Variants in GMDS observed in about 807,000 individuals in gnomAD.
GMDS encodes GDP-mannose 4,6-dehydratase.
In GMDS, 20 loss-of-function variants were observed where a neutral mutation model predicts 49.9. The observed-to-expected ratio is 0.40, with a 90% CI of 0.28 to 0.58. The LOEUF is 0.58. Among genes scored for constraint, GMDS ranks in the 20% least tolerant of loss-of-function variants. The pLI, the probability that GMDS is intolerant of heterozygous loss-of-function variation, is 0.42. For missense variants in GMDS, 362 were observed against 481.4 expected (o/e 0.75, Z 2.32); for synonymous variants, 177 against 178.6 (o/e 0.99, Z 0.07).
At chr6:1,933,943 A>G (rs1166868329) in intron 6 of GMDS, among the ~76,000 whole-genome samples, 1 of 152,220 alleles carries the variant, frequency 6.6e-6, no homozygotes, top group African/African-American at 2.4e-5. Context: ...CATATTCGAG[A>G]AGGCTTCGTT....
chr6:2,034,383 G>T (rs899914898), intron 4 of GMDS, among the ~76,000 whole-genome samples: 36 of 152,278 alleles, frequency 2.4e-4, no homozygotes, highest in African/African-American at 7.9e-4. Context: ...ATTTGTGGTT[G>T]CCAGGGGCTG....
chr6:1,943,247 C>T (rs1762904390), intron 6 of GMDS, among the ~76,000 whole-genome samples: 1 of 152,242 alleles, frequency 6.6e-6, no homozygotes, highest in African/African-American at 2.4e-5. Flanking sequence ...TAGTTCCCAA[C>T]TGCCTGGCAC....
chr6:2,045,793 A>G (rs1166956675), intron 4 of GMDS, among the ~76,000 whole-genome samples: 1 of 152,182 alleles, frequency 6.6e-6, no homozygotes, highest in African/African-American at 2.4e-5. Context: ...AATTAAATAT[A>G]TTTTACTATG....
At chr6:1,937,948 C>A (rs1188865420) in intron 6 of GMDS, among the ~76,000 whole-genome samples, 1 of 152,016 alleles carries the variant, frequency 6.6e-6, no homozygotes, top group Non-Finnish European at 1.5e-5. Context: ...GGGAGGATCA[C>A]TTCAGACGAG....
At chr6:1,652,425 TATA>T (rs1561700649) in intron 9 of GMDS, among the ~76,000 whole-genome samples, 1 of 22,402 alleles carries the variant, frequency 4.5e-5, no homozygotes, top group Non-Finnish European at 8.0e-5. Flanking sequence ...ATAATATATA[TATA>T]ATATATTATA....
At chr6:1,931,103 A>T (rs1313976938) in intron 6 of GMDS, 1 of 152,240 alleles carries the variant, frequency 6.6e-6, no homozygotes, top group Admixed American at 6.5e-5. Flanking sequence ...AGGTTATGAG[A>T]AAACACCATT....
At chr6:2,092,658 T>C (rs150336445) in intron 4 of GMDS, among the ~76,000 whole-genome samples, 1,917 of 152,262 alleles carry the variant, frequency 0.013, 43 homozygotes, top group African/African-American at 0.044. Flanking sequence ...CTAGAAAATG[T>C]AGAGACACGT....
chr6:1,934,948 C>T (rs1407433935), intron 6 of GMDS, among the ~76,000 whole-genome samples: 1 of 152,194 alleles, frequency 6.6e-6, no homozygotes, highest in African/African-American at 2.4e-5. Context: ...GTCTCACTGG[C>T]TTTCTAGCCT....
chr6:2,030,796 A>G (rs576381039), intron 4 of GMDS, among the ~76,000 whole-genome samples: 3 of 152,346 alleles, frequency 2.0e-5, no homozygotes, highest in African/African-American at 7.2e-5. Flanking sequence ...AATTGTAGCT[A>G]TACTGTAGCT....
intron 9 of GMDS, among the ~76,000 whole-genome samples, chr6:1,686,095 G>A (rs1368958551): frequency 6.6e-6 from 1 of 152,160 alleles, no homozygotes; most frequent in Non-Finnish European, 1.5e-5. Flanking sequence ...AGTGGTGGCA[G>A]AAGAAGCGAA....
chr6:1,998,297 T>C (rs1020874408), intron 4 of GMDS, among the ~76,000 whole-genome samples: 2 of 152,092 alleles, frequency 1.3e-5, no homozygotes, highest in African/African-American at 4.8e-5. Context: ...GATAAGAATA[T>C]TGACAGATCA....
At chr6:2,184,487 G>T (rs143614925) in intron 1 of GMDS, among the ~76,000 whole-genome samples, 2 of 152,064 alleles carry the variant, frequency 1.3e-5, no homozygotes, top group Non-Finnish European at 2.9e-5. Context: ...GCTACTTTGA[G>T]GTCTTTGCAC....
intron 7 of GMDS, among the ~76,000 whole-genome samples, chr6:1,896,838 T>C (rs893359334): frequency 3.3e-5 from 5 of 152,120 alleles, no homozygotes; most frequent in Non-Finnish European, 7.4e-5. Context: ...TTTTTCCGGT[T>C]AAGATAACAA....
At chr6:2,177,783 CA>C (rs1261803768) in intron 1 of GMDS, among the ~76,000 whole-genome samples, 1 of 152,130 alleles carries the variant, frequency 6.6e-6, no homozygotes, top group East Asian at 1.9e-4. Flanking sequence ...AGAACTGGAA[CA>C]AGACAGTCCC....
intron 8 of GMDS, among the ~76,000 whole-genome samples, chr6:1,728,103 T>C (rs867336107): frequency 6.6e-6 from 1 of 152,160 alleles, no homozygotes; most frequent in Non-Finnish European, 1.5e-5. Context: ...TTTTGGAGCA[T>C]GGAGATTGAA....
chr6:1,879,069 A>C (rs1759238175), intron 7 of GMDS, among the ~76,000 whole-genome samples: 1 of 152,230 alleles, frequency 6.6e-6, no homozygotes, highest in Non-Finnish European at 1.5e-5. Context: ...GGTATTTTTC[A>C]AATAGTTGCT....
rs964591443 is a variant in GMDS at position 1,757,216 on chromosome 6, G to A, written c.772-14630C>T. On this transcript the variant is annotated intron_variant, in intron 7 of 10. Coordinates refer to ENST00000380815, the MANE Select transcript of GMDS (RefSeq NM_001500.4). ...TTAAATGAGGGCAAAAATAACTCAC[G>A]ACGCATACACCTGGGATATGGGAGC... Among the ~76,000 whole-genome samples the A allele has an allele frequency of 5.9e-5, 9 of 152,222 alleles. No homozygotes were observed. In the East Asian group the frequency reaches 1.5e-3, roughly 26 times the overall value.
intron 2 of GMDS, among the ~76,000 whole-genome samples, chr6:2,120,597 A>G (rs1775087481): frequency 6.6e-6 from 1 of 152,206 alleles, no homozygotes; most frequent in African/African-American, 2.4e-5. Flanking sequence ...ATTTTCATAT[A>G]GTCCCAGATT....
At chr6:1,740,824 C>T (rs1767240374) in intron 8 of GMDS, among the ~76,000 whole-genome samples, 1 of 152,098 alleles carries the variant, frequency 6.6e-6, no homozygotes, top group African/African-American at 2.4e-5. Flanking sequence ...TCCAACTCCC[C>T]ATATTATACG....
Sources: allele counts gnomAD v4.1 joint callset (sites outside exome capture counted in the v4.1 genomes callset), GRCh38; gene constraint gnomAD v4.1.1; transcripts MANE v1.5; gene names NCBI Gene and HGNC (gene_info 2026-07-23, HGNC 2026-07-21).